Variants in ASB3 observed in about 807,000 individuals in gnomAD.
ASB3 encodes ankyrin repeat and SOCS box protein 3.
ASB3 carries 41 observed loss-of-function variants against 54.5 expected under a neutral mutation model. The observed-to-expected ratio is 0.75, with a 90% CI of 0.59 to 0.98. The LOEUF is 0.98. ASB3 is among the 50% of genes least tolerant of loss of function. The pLI is 0.00. For missense variants in ASB3, 733 were observed against 620.0 expected (o/e 1.18, Z -1.94); for synonymous variants, 266 against 221.2 (o/e 1.20, Z -1.80).
intron 2 of ASB3, among the ~76,000 whole-genome samples, chr2:53,760,508 A>G (rs1483947876): frequency 6.6e-6 from 1 of 152,244 alleles, no homozygotes; most frequent in Non-Finnish European, 1.5e-5. Context: ...AATCCCCTCC[A>G]GGAAACCAAG....
chr2:53,740,188 T>C (rs1021276087), intron 3 of ASB3, among the ~76,000 whole-genome samples: 3 of 152,238 alleles, frequency 2.0e-5, no homozygotes, highest in Non-Finnish European at 2.9e-5. Flanking sequence ...GTTCTACATG[T>C]ACTCTGTTCT....
intron 8 of ASB3, among the ~76,000 whole-genome samples, chr2:53,697,134 A>T (rs1210552286): frequency 1.3e-5 from 2 of 152,224 alleles, no homozygotes; most frequent in Non-Finnish European, 2.9e-5. Flanking sequence ...GGTCATCCTC[A>T]TTGTTCATTA....
At chr2:53,732,925 A>G (rs566299405) in intron 3 of ASB3, among the ~76,000 whole-genome samples, 28 of 152,250 alleles carry the variant, frequency 1.8e-4, no homozygotes, top group South Asian at 4.1e-4. Context: ...GATGGGCTGA[A>G]GAGGAGACCC....
At chr2:53,770,498 TAA>T (rs76201682) in intron 1 of ASB3, among the ~76,000 whole-genome samples, 8,330 of 110,428 alleles carry the variant, frequency 0.075, 414 homozygotes, top group African/African-American at 0.16. Flanking sequence ...GAAGTTTATT[TAA>T]AAAAAAAAAA....
At chr2:53,767,800 G>A (rs1573000973) in intron 1 of ASB3, 23 of 1,506,604 alleles carry the variant, frequency 1.5e-5, no homozygotes, top group Non-Finnish European at 2.1e-5. Context: ...CCGCGCGGCC[G>A]GTTACTCGCT....
At chr2:53,784,581 T>C (rs1056264690) in intron 1 of ASB3, among the ~76,000 whole-genome samples, 2 of 152,228 alleles carry the variant, frequency 1.3e-5, no homozygotes, top group African/African-American at 4.8e-5. Context: ...CCTTGCCTCT[T>C]CCTAGCTTGT....
intron 8 of ASB3, among the ~76,000 whole-genome samples, chr2:53,696,751 A>C (rs1459115908): frequency 1.3e-5 from 2 of 152,204 alleles, no homozygotes; most frequent in African/African-American, 4.8e-5. Flanking sequence ...ACAAATTTAA[A>C]ATACAGTACA....
chr2:53,723,505 C>T (rs1042494296), intron 5 of ASB3, among the ~76,000 whole-genome samples: 1 of 152,056 alleles, frequency 6.6e-6, no homozygotes, highest in Non-Finnish European at 1.5e-5. Flanking sequence ...CCCTGAGTCC[C>T]TGAAGTGTCA....
At chr2:53,750,690 T>TAAGCA (rs1672466861) in intron 3 of ASB3, 93 bp downstream of exon 3, 1 of 1,332,318 alleles carries the variant, frequency 7.5e-7, no homozygotes, top group South Asian at 2.3e-5. Flanking sequence ...GAACATACTA[T>TAAGCA]AAGCACAACA....
Position 53,765,693 on chromosome 2 carries a change from G to A in ASB3, c.-13-108C>T, listed in dbSNP as rs994409685. On this transcript the variant is annotated intron_variant, in intron 1 of 9. Transcript: ENST00000263634. Reference sequence around the variant, plus strand: ...GTCTAGTATCTCTCACATGACTGACGAAGAAGGGCCCACAATACAGAAAGT... The same window carrying A: ...GTCTAGTATCTCTCACATGACTGACAAAGAAGGGCCCACAATACAGAAAGT... The A allele has an allele frequency of 8.5e-6, 11 of 1,289,130 alleles. No individual in the cohort carries two copies. In the African/African-American group the frequency reaches 8.9e-5, roughly 10 times the overall value. The allele number at this position is 1,289,130 out of a possible 1,614,324, so 79.9% of individuals were successfully genotyped here.
At chr2:53,677,058 C>T (rs924279139) in intron 9 of ASB3, among the ~76,000 whole-genome samples, 1 of 152,138 alleles carries the variant, frequency 6.6e-6, no homozygotes, top group South Asian at 2.1e-4. Flanking sequence ...TGTGAGCCAC[C>T]GCGCCCGGCC....
At position 53,729,598 on chromosome 2, in the gene ASB3, T is replaced by A. The variant is rs772407091; in HGVS notation, c.356-28A>T. 3.1e-6 allele frequency: 5 copies of A among 1,606,368 alleles called. No homozygotes were observed. In the South Asian group the frequency reaches 5.5e-5, roughly 18 times the overall value. On this transcript the variant is annotated intron_variant, in intron 3 of 9. Coordinates refer to ENST00000263634, the MANE Select transcript of ASB3 (RefSeq NM_016115.5). ...GTAATACAGCAGTTAGAAAAATTAA[T>A]GTCAGCAAAAAGGCATGTTTGTAGG...
At chr2:53,671,927 G>T (rs7573412) in intron 9 of ASB3, among the ~76,000 whole-genome samples, 1 of 152,142 alleles carries the variant, frequency 6.6e-6, no homozygotes, top group African/African-American at 2.4e-5. Context: ...GAACAGACCA[G>T]GATCAGAGCA....
At chr2:53,771,841 C>A in intron 1 of ASB3, 1 of 839,344 alleles carries the variant, frequency 1.2e-6, no homozygotes, top group Non-Finnish European at 2.0e-6. Flanking sequence ...AAAAATGTTG[C>A]TAATGCTCAG....
At chr2:53,690,664 C>T (rs3770407) in intron 9 of ASB3, among the ~76,000 whole-genome samples, 29,596 of 151,936 alleles carry the variant, frequency 0.19, 3,237 homozygotes, top group East Asian at 0.45. Flanking sequence ...CCCATTGCTA[C>T]GCTTTCCCTG....
chr2:53,699,495 A>C (rs10205469), intron 8 of ASB3, among the ~76,000 whole-genome samples: 11,209 of 152,282 alleles, frequency 0.074, 453 homozygotes, highest in African/African-American at 0.096. Flanking sequence ...CTAAGAAGAC[A>C]ATTAGTGCCT....
intron 9 of ASB3, among the ~76,000 whole-genome samples, chr2:53,672,991 C>G (rs553916525): frequency 2.6e-5 from 4 of 152,232 alleles, no homozygotes; most frequent in Admixed American, 6.5e-5. Context: ...ATATGCACAA[C>G]GTAATAAAAA....
intron 3 of ASB3, among the ~76,000 whole-genome samples, chr2:53,743,753 G>T (rs1019461863): frequency 1.3e-5 from 2 of 152,134 alleles, no homozygotes; most frequent in Non-Finnish European, 2.9e-5. Flanking sequence ...TTACATTAAA[G>T]AATTAAAAGC....
intron 3 of ASB3, among the ~76,000 whole-genome samples, chr2:53,742,942 C>T (rs1467468376): frequency 5.9e-5 from 9 of 152,070 alleles, no homozygotes. Context: ...ATTGAAAGGA[C>T]ACACACTGTG....
Sources: allele counts gnomAD v4.1 joint callset (sites outside exome capture counted in the v4.1 genomes callset), GRCh38; gene constraint gnomAD v4.1.1; transcripts MANE v1.5; gene names NCBI Gene and HGNC (gene_info 2026-07-23, HGNC 2026-07-21).